Variants in SH3RF3 observed in about 807,000 individuals in gnomAD.
The protein encoded by SH3RF3 is SH3 domain containing ring finger 3.
A neutral mutation model predicts 66.3 loss-of-function variants in SH3RF3; 29 were observed. The ratio of observed to expected loss-of-function variants is 0.44; its 90% CI spans 0.33 to 0.60. SH3RF3 has a LOEUF of 0.60. Ranked by LOEUF, SH3RF3 falls within the 20% of genes least tolerant of loss-of-function variation. The pLI, the probability that SH3RF3 is intolerant of heterozygous loss-of-function variation, is 0.04. For missense variants in SH3RF3, 1,194 were observed against 1,190.9 expected, an observed-to-expected ratio of 1.00 and a Z score of -0.04; for synonymous variants, 583 against 532.0, an observed-to-expected ratio of 1.10 and a Z score of -1.32.
intron 1 of SH3RF3, among the ~76,000 whole-genome samples, chr2:109,294,494 G>A (rs1278487853): frequency 2.0e-5 from 3 of 151,508 alleles, no homozygotes; most frequent in Admixed American, 2.0e-4. Flanking sequence ...CCAGGAGGTG[G>A]AGGTTGCAGT....
At position 109,289,593 on chromosome 2, in the gene SH3RF3, G is replaced by C. The variant is rs563888372; in HGVS notation, c.574-58081G>C. Reference sequence around the variant, plus strand: ...ACTGGGATATCTTACTTTTCACTTAGATGTCTCTGCTTTTGGTTTTGAGAC... The same window carrying C: ...ACTGGGATATCTTACTTTTCACTTACATGTCTCTGCTTTTGGTTTTGAGAC... On this transcript the variant is annotated intron_variant, in intron 1 of 9. Coordinates refer to ENST00000309415, the MANE Select transcript of SH3RF3 (RefSeq NM_001099289.3). Among the ~76,000 whole-genome samples the C allele has an allele frequency of 5.9e-5, 9 of 152,264 alleles. No individual in the cohort carries two copies. In the South Asian group the frequency reaches 1.7e-3, roughly 28 times the overall value.
In SH3RF3 at chr2:109,394,707, G is replaced by A. The variant is rs544385800; in HGVS notation, c.946-3883G>A. Among the ~76,000 whole-genome samples, 5 of 152,340 alleles carry A rather than the reference G, an allele frequency of 3.3e-5. No homozygotes were observed. In the South Asian group the frequency reaches 6.2e-4, roughly 19 times the overall value. On this transcript the variant is annotated intron_variant, in intron 3 of 9. Transcript: ENST00000309415. ...ACGTCCACCTGATAAACAAGGTGAC[G>A]CCACATGCAGATAGAGCCACTGGAG...
At chr2:109,411,169 C>A (rs1676577650) in intron 4 of SH3RF3, among the ~76,000 whole-genome samples, 1 of 152,208 alleles carries the variant, frequency 6.6e-6, no homozygotes, top group Non-Finnish European at 1.5e-5. Flanking sequence ...CAACTCTCAA[C>A]CTCGTTATGA....
At chr2:109,336,393 T>C (rs967979457) in intron 1 of SH3RF3, among the ~76,000 whole-genome samples, 2 of 152,244 alleles carry the variant, frequency 1.3e-5, no homozygotes, top group African/African-American at 4.8e-5. Flanking sequence ...ATAACTGGAT[T>C]GACTCACTAG....
chr2:109,476,858 C>G (rs191546435), intron 8 of SH3RF3, among the ~76,000 whole-genome samples: 9 of 152,190 alleles, frequency 5.9e-5, no homozygotes, highest in Non-Finnish European at 1.2e-4. Context: ...TAAACCATAT[C>G]GGGTAACTTC....
chr2:109,388,689 A>C (rs1675895811), intron 3 of SH3RF3, among the ~76,000 whole-genome samples: 1 of 152,234 alleles, frequency 6.6e-6, no homozygotes, highest in African/African-American at 2.4e-5. Context: ...CCAGCACTAA[A>C]CATTTGAAGC....
intron 8 of SH3RF3, among the ~76,000 whole-genome samples, chr2:109,468,927 T>C (rs1340101999): frequency 2.0e-5 from 3 of 151,000 alleles, no homozygotes. Flanking sequence ...CTCTACGGCT[T>C]TGATACTGGA....
At chr2:109,219,618 T>A (rs1679180173) in intron 1 of SH3RF3, among the ~76,000 whole-genome samples, 1 of 152,164 alleles carries the variant, frequency 6.6e-6, no homozygotes, top group African/African-American at 2.4e-5. Flanking sequence ...AAATATAAAA[T>A]TAAAGCTCAC....
chr2:109,214,827 A>G (rs1679071708), intron 1 of SH3RF3, among the ~76,000 whole-genome samples: 1 of 152,192 alleles, frequency 6.6e-6, no homozygotes, highest in South Asian at 2.1e-4. Flanking sequence ...TGTATATTGG[A>G]GACTGAGTTC....
intron 1 of SH3RF3, among the ~76,000 whole-genome samples, chr2:109,240,600 C>T (rs1216992099): frequency 6.6e-6 from 1 of 152,156 alleles, no homozygotes; most frequent in Non-Finnish European, 1.5e-5. Context: ...ATAGGTTTTT[C>T]ATTGCTGCAG....
intron 1 of SH3RF3, among the ~76,000 whole-genome samples, chr2:109,218,932 C>T (rs1560387): frequency 0.13 from 19,334 of 152,216 alleles, 1,494 homozygotes; most frequent in Middle Eastern, 0.19. Flanking sequence ...CTTCCCTGCA[C>T]GGACCAGGCT....
chr2:109,391,160 C>A (rs1356590311), intron 3 of SH3RF3, among the ~76,000 whole-genome samples: 1 of 152,262 alleles, frequency 6.6e-6, no homozygotes, highest in Non-Finnish European at 1.5e-5. Context: ...AAAGCCTTGC[C>A]TGTACTCAGG....
At chr2:109,420,006 T>C (rs942914487) in intron 5 of SH3RF3, among the ~76,000 whole-genome samples, 1 of 152,064 alleles carries the variant, frequency 6.6e-6, no homozygotes, top group East Asian at 1.9e-4. Flanking sequence ...GAGCAGCGGG[T>C]AGTCTAGGAG....
chr2:109,357,563 G>T (rs527810464), intron 2 of SH3RF3, among the ~76,000 whole-genome samples: 20 of 152,094 alleles, frequency 1.3e-4, no homozygotes, highest in Admixed American at 4.6e-4. Context: ...CGCCCTTCCC[G>T]CATGTCTACT....
At chr2:109,288,106 T>G (rs1681078289) in intron 1 of SH3RF3, among the ~76,000 whole-genome samples, 1 of 152,236 alleles carries the variant, frequency 6.6e-6, no homozygotes, top group African/African-American at 2.4e-5. Flanking sequence ...TTGTCTTGTT[T>G]GCCCACAAGA....
At chr2:109,495,764 G>A (rs571228753) in intron 9 of SH3RF3, among the ~76,000 whole-genome samples, 10 of 152,128 alleles carry the variant, frequency 6.6e-5, no homozygotes, top group Admixed American at 2.0e-4. Context: ...AGTGCTGGGC[G>A]TGAGGCGTGA....
At chr2:109,169,262 G>A (rs1677698498) in intron 1 of SH3RF3, among the ~76,000 whole-genome samples, 1 of 152,196 alleles carries the variant, frequency 6.6e-6, no homozygotes, top group African/African-American at 2.4e-5. Context: ...TTTGGAAAGT[G>A]TTTGTACTTG....
At chr2:109,311,787 A>G (rs1681731015) in intron 1 of SH3RF3, among the ~76,000 whole-genome samples, 1 of 150,376 alleles carries the variant, frequency 6.6e-6, no homozygotes, top group Non-Finnish European at 1.5e-5. Context: ...TATCAAGGCT[A>G]CCCATATGGC....
intron 8 of SH3RF3, among the ~76,000 whole-genome samples, chr2:109,485,993 C>T (rs2104361408): frequency 6.6e-6 from 1 of 152,360 alleles, no homozygotes; most frequent in South Asian, 2.1e-4. Context: ...AGCTCAGGTC[C>T]ACAGAATCAG....
Sources: gnomAD v4.1 joint callset for allele counts (sites outside exome capture counted in the v4.1 genomes callset) on GRCh38, gnomAD v4.1.1 for gene constraint, MANE v1.5 for transcripts, NCBI Gene and HGNC (gene_info 2026-07-23, HGNC 2026-07-21) for gene names.